PCDHA6: variants seen among roughly 807,000 people sequenced by gnomAD.
PCDHA6 encodes protocadherin alpha-6.
In PCDHA6, 55 loss-of-function variants were observed where a neutral mutation model predicts 60.3. The ratio of observed to expected loss-of-function variants is 0.91; its 90% CI spans 0.73 to 1.14. The LOEUF (loss-of-function observed/expected upper bound fraction) is 1.14, where lower values mean the gene tolerates loss of function less well. PCDHA6 is among the 50% of genes most tolerant of loss of function. The pLI is 0.00. For synonymous variants in PCDHA6, 652 were observed against 557.9 expected (o/e 1.17, Z -2.38); for missense variants, 1,327 against 1,256.5 (o/e 1.06, Z -0.85).
At chr5:140,849,777 C>T (rs2150449616) in intron 1 of PCDHA6, 2 of 1,598,440 alleles carry the variant, frequency 1.3e-6, no homozygotes, top group Non-Finnish European at 1.7e-6. Flanking sequence ...GGTTACCGCG[C>T]GGGACGGGGG....
At chr5:140,866,372 A>G (rs1260781135) in intron 1 of PCDHA6, 2 of 152,168 alleles carry the variant, frequency 1.3e-5, no homozygotes, top group Non-Finnish European at 2.9e-5. Flanking sequence ...GCATACTTCA[A>G]TAACAATTTT....
intron 1 of PCDHA6, among the ~76,000 whole-genome samples, chr5:140,931,396 G>A (rs1554208395): frequency 1.3e-5 from 2 of 152,118 alleles, no homozygotes; most frequent in Non-Finnish European, 2.9e-5. Context: ...ATAAGTAAGC[G>A]ATAGGAAGGC....
chr5:140,907,163 T>C (rs1019409387), intron 1 of PCDHA6, among the ~76,000 whole-genome samples: 1 of 152,162 alleles, frequency 6.6e-6, no homozygotes, highest in Non-Finnish European at 1.5e-5. Context: ...TACCATATAT[T>C]GGATGCTGAT....
intron 3 of PCDHA6, among the ~76,000 whole-genome samples, chr5:141,000,396 T>TCTATAA (rs2097916207): frequency 7.7e-5 from 5 of 65,332 alleles, no homozygotes; most frequent in African/African-American, 3.1e-4. Context: ...TCTCTCTCTC[T>TCTATAA]ATATATATAT....
At chr5:140,896,501 T>G (rs1279439158) in intron 1 of PCDHA6, among the ~76,000 whole-genome samples, 4 of 152,048 alleles carry the variant, frequency 2.6e-5, no homozygotes, top group Non-Finnish European at 4.4e-5. Flanking sequence ...TAGCTGGGAC[T>G]GTGCAGGCAC....
At chr5:140,884,396 C>G in intron 1 of PCDHA6, 1 of 1,614,012 alleles carries the variant, frequency 6.2e-7, no homozygotes, top group Non-Finnish European at 8.5e-7. Flanking sequence ...GGTGTCCAGC[C>G]TGTTGGTGCT....
At chr5:140,871,609 A>G (rs1554165776) in intron 1 of PCDHA6, 1 of 1,428,296 alleles carries the variant, frequency 7.0e-7, no homozygotes, top group East Asian at 2.5e-5. Flanking sequence ...TGTTTTGAAT[A>G]TTGTTTTAGA....
chr5:140,886,844 A>AAG (rs2061185449), intron 1 of PCDHA6, among the ~76,000 whole-genome samples: 1 of 150,634 alleles, frequency 6.6e-6, no homozygotes, highest in Non-Finnish European at 1.5e-5. Flanking sequence ...AAAAAAAAAA[A>AAG]AAAGAAAGGT....
Position 140,858,605 on chromosome 5 carries a change from T to A in PCDHA6, c.2394+28120T>A, listed in dbSNP as rs553423419. On this transcript the variant is annotated intron_variant, in intron 1 of 3. Coordinates refer to ENST00000529310, the MANE Select transcript of PCDHA6 (RefSeq NM_018909.4). ...ATAATTTATTCCAGGAGTTTTAAAA[T>A]TTTTTTATCCTACCCAGTGTGTCAG... 1.7e-5 allele frequency: 21 copies of A among 1,265,750 alleles called. 2 individuals are homozygous for A. Among genetic ancestry groups the A allele is most frequent in the African/African-American group, 1.5e-4 (10 of 66,840 alleles). 78.4% of individuals were successfully genotyped at this position (1,265,750 alleles called of 1,614,324 possible).
chr5:140,859,378 T>G lies in PCDHA6; in HGVS notation c.2394+28893T>G. The G allele has an allele frequency of 7.4e-6, 2 of 268,578 alleles. 1 individual carries two copies. Among genetic ancestry groups the G allele is most frequent in the Non-Finnish European group, 1.3e-5 (2 of 148,378 alleles). The allele number at this position is 268,578 out of a possible 1,614,324, so 16.6% of individuals were successfully genotyped here. A position where few individuals can be genotyped will look rare whatever the true frequency, so the allele number is the denominator to read the frequency against. On this transcript the variant is annotated intron_variant, in intron 1 of 3. Transcript: ENST00000529310. ...CTGATATATTGTATAGTTTAATAGCTTCTCTAGTCATCTTAAACAGGGTTG... is the reference window on the plus strand; with the variant it reads ...CTGATATATTGTATAGTTTAATAGCGTCTCTAGTCATCTTAAACAGGGTTG...
chr5:140,842,604 G>C, intron 1 of PCDHA6: 4 of 1,550,196 alleles, frequency 2.6e-6, no homozygotes, highest in Non-Finnish European at 3.5e-6. Context: ...GTAACCGCGC[G>C]GGACGGGGGC....
intron 1 of PCDHA6, among the ~76,000 whole-genome samples, chr5:140,893,581 T>C (rs1224207477): frequency 1.3e-5 from 2 of 152,216 alleles, no homozygotes; most frequent in African/African-American, 4.8e-5. Context: ...TTTTTGCTTG[T>C]TTGGGAAATA....
At chr5:140,926,371 G>A (rs1220733947) in intron 1 of PCDHA6, 1 of 152,352 alleles carries the variant, frequency 6.6e-6, no homozygotes, top group East Asian at 1.9e-4. Flanking sequence ...GCGGCAGGAA[G>A]AGCCCAGCTG....
At chr5:140,891,722 T>C (rs534881594) in intron 1 of PCDHA6, among the ~76,000 whole-genome samples, 1 of 152,292 alleles carries the variant, frequency 6.6e-6, no homozygotes, top group East Asian at 1.9e-4. Flanking sequence ...CAAATTCATG[T>C]GTTGAAAATT....
At chr5:140,977,337 G>A (rs1554238444) in intron 1 of PCDHA6, among the ~76,000 whole-genome samples, 4 of 152,150 alleles carry the variant, frequency 2.6e-5, no homozygotes, top group South Asian at 2.1e-4. Context: ...GGGGAGAGAC[G>A]GTGATGATGA....
chr5:140,851,342 C>G, intron 1 of PCDHA6: 1 of 978,740 alleles, frequency 1.0e-6, no homozygotes, highest in Non-Finnish European at 1.2e-6. Context: ...CTCTACATTT[C>G]TCTGGATGGA....
chr5:140,849,999 C>G lies in PCDHA6; in HGVS notation c.2394+19514C>G, dbSNP rs1554143600. The G allele has an allele frequency of 3.1e-6, 5 of 1,596,930 alleles. No individual in the cohort carries two copies. In the African/African-American group the frequency reaches 5.4e-5, roughly 17 times the overall value. The stretch of plus-strand genomic sequence containing the variant: ...GCTGGTGGAGCGGCGGTTGGGCGAG[C>G]GCTCGCTGTCGAGCTACGTGTCAGT... On this transcript the variant is annotated intron_variant, in intron 1 of 3. Coordinates refer to ENST00000529310, the MANE Select transcript of PCDHA6 (RefSeq NM_018909.4).
chr5:140,949,550 G>A (rs1195934854), intron 1 of PCDHA6, among the ~76,000 whole-genome samples: 11 of 151,608 alleles, frequency 7.3e-5, no homozygotes, highest in Admixed American at 7.2e-4. Flanking sequence ...TTTGTTGCTG[G>A]TCATACTTTT....
chr5:140,831,736 C>A (rs1771682555), intron 1 of PCDHA6, among the ~76,000 whole-genome samples: 1 of 152,014 alleles, frequency 6.6e-6, no homozygotes. Flanking sequence ...TCCTCCCTTG[C>A]CTAAATTTCA....
Sources: gnomAD v4.1 joint callset for allele counts (sites outside exome capture counted in the v4.1 genomes callset) on GRCh38, gnomAD v4.1.1 for gene constraint, MANE v1.5 for transcripts, NCBI Gene and HGNC (gene_info 2026-07-23, HGNC 2026-07-21) for gene names.